Variants in DYNC2H1 observed in about 807,000 individuals in gnomAD.
DYNC2H1 encodes dynein cytoplasmic 2 heavy chain 1, also known as cytoplasmic dynein 2 heavy chain 1.
In DYNC2H1, 410 loss-of-function variants were observed where a neutral mutation model predicts 570.0. The ratio of observed to expected loss-of-function variants is 0.72; its 90% CI spans 0.66 to 0.78. The LOEUF is 0.78. Among genes scored for constraint, DYNC2H1 ranks in the 30% least tolerant of loss-of-function variants. DYNC2H1 has a pLI of 0.00. For synonymous variants in DYNC2H1, 1,688 were observed against 1,677.6 expected (o/e 1.01, Z -0.15); for missense variants, 4,865 against 5,046.4 (o/e 0.96, Z 1.09).
chr11:103,286,989 ATC>A (rs758582668), intron 74 of DYNC2H1, among the ~76,000 whole-genome samples: 12 of 152,180 alleles, frequency 7.9e-5, no homozygotes, highest in Non-Finnish European at 1.3e-4. Context: ...AAACTTAAAC[ATC>A]TAGGAATATC....
chr11:103,162,968 T>C, intron 29 of DYNC2H1, 60 bp from the exon 30 acceptor site: 2 of 1,438,860 alleles, frequency 1.4e-6, no homozygotes, highest in Non-Finnish European at 1.9e-6. Context: ...ATGTCTTATA[T>C]ATATTATTTT....
At chr11:103,155,580 C>T in intron 25 of DYNC2H1, 79 bp downstream of exon 25, 1 of 1,371,898 alleles carries the variant, frequency 7.3e-7, no homozygotes, top group Non-Finnish European at 9.7e-7. Flanking sequence ...TGTTTAAATA[C>T]AAAAAAAGTC....
Position 103,235,959 on chromosome 11 carries a change from C to A in DYNC2H1, c.9709+146C>A, listed in dbSNP as rs994376764. The A allele has an allele frequency of 4.0e-6, 4 of 989,216 alleles. No individual in the cohort carries two copies. In the African/African-American group the frequency reaches 5.0e-5, roughly 12 times the overall value. 61.3% of individuals were successfully genotyped at this position (989,216 alleles called of 1,614,324 possible). On this transcript the variant is annotated intron_variant, in intron 62 of 88. Coordinates refer to ENST00000375735, the MANE Select transcript of DYNC2H1 (RefSeq NM_001377.3). ...AAATTTTATATGGGTTCCAAGGATA[C>A]CCTAGCTACTTTAGATTTGCTGAAT...
chr11:103,350,033 G>C (rs940373002), intron 82 of DYNC2H1, among the ~76,000 whole-genome samples: 2 of 152,052 alleles, frequency 1.3e-5, no homozygotes, highest in Non-Finnish European at 2.9e-5. Flanking sequence ...ATGTAGTTTT[G>C]GGGGGATATG....
rs762341427 is a variant in DYNC2H1 at position 103,220,803 on chromosome 11, A to G, written c.9107+20A>G. 3.8e-6 allele frequency: 6 copies of G among 1,590,844 alleles called. No homozygotes were observed. The highest frequency in any genetic ancestry group is 5.1e-6 in the Non-Finnish European group (6 of 1,168,966). On this transcript the variant is annotated intron_variant, in intron 57 of 88. Transcript: ENST00000375735. ...GAAAAGGTACATTTTTCAATTTGTG[A>G]AAAATATTATTTCGGCAATGAATGA...
intron 83 of DYNC2H1, among the ~76,000 whole-genome samples, chr11:103,367,343 A>G (rs912393450): frequency 4.6e-5 from 7 of 152,164 alleles, no homozygotes; most frequent in African/African-American, 1.7e-4. Flanking sequence ...ATACATAATT[A>G]TGAAAAGTTT....
At chr11:103,405,266 G>A (rs1942815039) in intron 84 of DYNC2H1, 1 of 151,906 alleles carries the variant, frequency 6.6e-6, no homozygotes, top group Admixed American at 6.6e-5. Flanking sequence ...GAGAAAGGAG[G>A]AGAAGGACTG....
chr11:103,238,186 A>T (rs562344403), intron 63 of DYNC2H1, among the ~76,000 whole-genome samples: 2 of 152,196 alleles, frequency 1.3e-5, no homozygotes, highest in South Asian at 4.1e-4. Context: ...TAAATCTGTA[A>T]ATATATATTA....
intron 18 of DYNC2H1, among the ~76,000 whole-genome samples, chr11:103,144,272 A>G (rs939460915): frequency 7.9e-5 from 12 of 152,218 alleles, no homozygotes; most frequent in Non-Finnish European, 1.6e-4. Context: ...ATAGTTAGTA[A>G]TCTCATAGTG....
Position 103,129,638 on chromosome 11 carries a change from C to T in DYNC2H1, c.1953+633C>T, listed in dbSNP as rs992167387. ...GGTGGAGGTTGCAGTGGGTCGAGAT[C>T]GTGCCACTGCACTCTAGCCTGGGAG... On this transcript the variant is annotated intron_variant, in intron 13 of 88. Transcript: ENST00000375735. The surrounding 1 kb of genome is among the most constrained non-coding windows in gnomAD (Gnocchi z 4.1). Among the ~76,000 whole-genome samples, 3 of 151,402 alleles carry T rather than the reference C, an allele frequency of 2.0e-5. No individual in the cohort carries two copies. The highest frequency in any genetic ancestry group is 2.1e-4 in the South Asian group (1 of 4,796).
chr11:103,302,218 A>T (rs900776085), intron 75 of DYNC2H1, among the ~76,000 whole-genome samples: 15 of 152,186 alleles, frequency 9.9e-5, no homozygotes, highest in African/African-American at 3.6e-4. Flanking sequence ...CTTTGGCAAG[A>T]TAATCAATTT....
intron 83 of DYNC2H1, among the ~76,000 whole-genome samples, chr11:103,378,334 C>A (rs1941485407): frequency 6.6e-6 from 1 of 152,028 alleles, no homozygotes; most frequent in Non-Finnish European, 1.5e-5. Flanking sequence ...ATTTTAAGTT[C>A]TCTGCTTTAA....
At chr11:103,350,302 AT>A (rs1939982532) in intron 82 of DYNC2H1, among the ~76,000 whole-genome samples, 1 of 151,632 alleles carries the variant, frequency 6.6e-6, no homozygotes, top group Admixed American at 6.6e-5. Context: ...TATTGTAAAT[AT>A]AAAAAGTATT....
At chr11:103,437,978 CTG>C (rs1286441082) in intron 85 of DYNC2H1, among the ~76,000 whole-genome samples, 1 of 152,006 alleles carries the variant, frequency 6.6e-6, no homozygotes, top group African/African-American at 2.4e-5. Flanking sequence ...GTCATAAAAA[CTG>C]ATGAAAAACT....
chr11:103,259,987 A>T lies in DYNC2H1; in HGVS notation c.10695+10A>T, dbSNP rs1865205124. ...TCGTTGTCTATTTAAGGTAAGAAGC[A>T]TCATATTTTTCAAATATAAAATACT... On this transcript the variant is annotated intron_variant, in intron 70 of 88. Coordinates refer to ENST00000375735, the MANE Select transcript of DYNC2H1 (RefSeq NM_001377.3). 6.9e-7 allele frequency: 1 copy of T among 1,451,220 alleles called. No individual in the cohort carries two copies. Among genetic ancestry groups the T allele is most frequent in the African/African-American group, 1.4e-5 (1 of 70,342 alleles). The allele number at this position is 1,451,220 out of a possible 1,614,324, so 89.9% of individuals were successfully genotyped here. A position where few individuals can be genotyped will look rare whatever the true frequency, so the allele number is the denominator to read the frequency against.
Position 103,133,792 on chromosome 11 carries a change from G to T in DYNC2H1, c.2106+85G>T. The T allele has an allele frequency of 7.4e-7, 1 of 1,353,570 alleles. No homozygotes were observed. Among genetic ancestry groups the T allele is most frequent in the African/African-American group, 1.5e-5 (1 of 67,112 alleles). The allele number at this position is 1,353,570 out of a possible 1,614,324, so 83.8% of individuals were successfully genotyped here. On this transcript the variant is annotated intron_variant, in intron 14 of 88. Coordinates refer to ENST00000375735, the MANE Select transcript of DYNC2H1 (RefSeq NM_001377.3). This position sits in a 1 kb window ranked among gnomAD's most constrained non-coding sequence, Gnocchi z 4.8. ...GATACAATTTTTAAAAACTTATTTT[G>T]AAATAATTTGAGACTTAAAGTTACA...
rs559763043 is a variant in DYNC2H1, at chr11:103,249,759, A to G, written c.10043-3526A>G. The stretch of plus-strand genomic sequence containing the variant: ...AGCACAAAAAACAGGAACACTTTCC[A>G]TAACACAAAAATAACCAAACATTCT... On this transcript the variant is annotated intron_variant, in intron 65 of 88. Transcript: ENST00000375735. This position sits in a 1 kb window ranked among gnomAD's most constrained non-coding sequence, Gnocchi z 4.6. 2.6e-5 allele frequency among the ~76,000 whole-genome samples: 4 copies of G among 152,168 alleles called. No individual in the cohort carries two copies. The highest frequency in any genetic ancestry group is 2.1e-4 in the South Asian group (1 of 4,832).
Position 103,189,732 on chromosome 11 carries a change from T to C in DYNC2H1, c.7353T>C (p.His2451=). 2.5e-6 allele frequency: 4 copies of C among 1,613,022 alleles called. No homozygotes were observed. The highest frequency in any genetic ancestry group is 1.3e-5 in the African/African-American group (1 of 75,014). Residue 2451 remains histidine, a synonymous_variant, in exon 45 of 89, where the codon CAT becomes CAC. Coordinates refer to ENST00000375735, the MANE Select transcript of DYNC2H1 (RefSeq NM_001377.3). This position sits in a 1 kb window ranked among gnomAD's most constrained non-coding sequence, Gnocchi z 4.3. ...GAGCATATTTGGAACCAGTTCTACA[T>C]AAAAATCTGAAGAATCATTCTATTT... ...IYGAYLEPVL[H]KNLKNHSIWG...
intron 84 of DYNC2H1, chr11:103,408,253 A>G (rs1709160): frequency 0.51 from 77,590 of 151,698 alleles, 20,165 homozygotes; most frequent in African/African-American, 0.62. Context: ...AGTCCGTAGG[A>G]GCCTACAGTG....
Sources: gnomAD v4.1 joint callset for allele counts (sites outside exome capture counted in the v4.1 genomes callset) on GRCh38, gnomAD v4.1.1 for gene constraint, Gnocchi (gnomAD v3.1) non-coding constraint, MANE v1.5 for transcripts, NCBI Gene and HGNC (gene_info 2026-07-23, HGNC 2026-07-21) for gene names.